VCP: variants seen among roughly 807,000 people sequenced by gnomAD.
VCP encodes the protein valosin containing protein.
Under a neutral mutation model 85.7 loss-of-function variants are expected in VCP, and 6 were observed. The ratio of observed to expected loss-of-function variants is 0.07; its 90% confidence interval spans 0.04 to 0.14. The LOEUF (loss-of-function observed/expected upper bound fraction) is 0.14, where lower values mean the gene tolerates loss of function less well. Among genes scored for constraint, VCP ranks in the 10% least tolerant of loss-of-function variants. The pLI is 1.00. For missense variants in VCP, 353 were observed against 1,043.4 expected (o/e 0.34, Z 9.12); for synonymous variants, 384 against 367.1 (o/e 1.05, Z -0.53).
chr9:35,062,319 C>A lies in VCP; in HGVS notation c.843G>T (p.Glu281Asp). 6.2e-7 allele frequency: 1 copy of A among 1,614,136 alleles called. No homozygotes were observed. The highest frequency in any genetic ancestry group is 8.5e-7 in the Non-Finnish European group (1 of 1,180,024). ...AGGCTTTACGAAGGTTGCTCTCAGACTCACCAGCCAATTTGCTCATGATCT... is the reference window on the plus strand; with the variant it reads ...AGGCTTTACGAAGGTTGCTCTCAGAATCACCAGCCAATTTGCTCATGATCT... ...GPEIMSKLAG[E>D]SESNLRKAFE... Residue 281 changes from glutamate to aspartate, a missense_variant, in exon 8 of 17, where the codon GAG (glutamate) becomes GAT (aspartate). This residue lies in a region of VCP where 85 missense variants were observed against 345.2 expected (regional missense o/e 0.25). Coordinates refer to ENST00000358901, the MANE Select transcript of VCP (RefSeq NM_007126.5).
chr9:35,067,525 A>G (rs895571269), intron 3 of VCP, among the ~76,000 whole-genome samples: 8 of 152,162 alleles, frequency 5.3e-5, no homozygotes, highest in Non-Finnish European at 2.9e-5. Context: ...CAAGCCATCA[A>G]TTAGACATAC....
In VCP at chr9:35,068,263, C is replaced by T; in HGVS notation, c.117G>A (p.Val39=). The T allele has an allele frequency of 6.2e-7, 1 of 1,614,096 alleles. No homozygotes were observed. The highest frequency in any genetic ancestry group is 8.5e-7 in the Non-Finnish European group (1 of 1,179,978). The change falls in exon 2 of 17, where the codon GTG becomes GTA. Residue 39 remains valine, a synonymous_variant. Transcript: ENST00000358901. ...DEAINEDNSV[V]SLSQPKMDEL... ...GGCCACAGCTTACCTGGGACAAGGACACCACACTGTTGTCCTCATTGATGG... is the reference window on the plus strand; with the variant it reads ...GGCCACAGCTTACCTGGGACAAGGATACCACACTGTTGTCCTCATTGATGG...
At position 35,061,651 on chromosome 9, in the gene VCP, C is replaced by T. The variant is rs1471929394; in HGVS notation, c.1120G>A (p.Ala374Thr). ...TGAAGAATCTCTAAGCGTCCTGTAGCATCAGGAATTCCAATATCTACCTCC... is the reference window on the plus strand; with the variant it reads ...TGAAGAATCTCTAAGCGTCCTGTAGTATCAGGAATTCCAATATCTACCTCC... Reference protein sequence around the residue: ...DREVDIGIPDATGRLEILQIH... With the variant: ...DREVDIGIPDTTGRLEILQIH... The change falls in exon 10 of 17, where the codon GCT (alanine) becomes ACT (threonine). Residue 374 changes from alanine (A) to threonine (T), a missense_variant. Physicochemically the swap from Ala to Thr is moderately conservative, Grantham distance 58. This residue lies in a region of VCP where 30 missense variants were observed against 39.0 expected (regional missense o/e 0.77). Coordinates refer to ENST00000358901, the MANE Select transcript of VCP (RefSeq NM_007126.5). The T allele has an allele frequency of 6.2e-7, 1 of 1,614,042 alleles. No individual in the cohort carries two copies. Among genetic ancestry groups the T allele is most frequent in the Non-Finnish European group, 8.5e-7 (1 of 1,180,032 alleles).
chr9:35,070,828 C>T (rs966030645), intron 1 of VCP, among the ~76,000 whole-genome samples: 3 of 152,192 alleles, frequency 2.0e-5, no homozygotes, highest in African/African-American at 4.8e-5. Context: ...GAGTGGTATG[C>T]CCTTTTCTTA....
chr9:35,070,389 G>A (rs146361426), intron 1 of VCP, among the ~76,000 whole-genome samples: 23 of 152,278 alleles, frequency 1.5e-4, no homozygotes, highest in African/African-American at 5.5e-4. Flanking sequence ...TTGACTTATA[G>A]AACTGGGACT....
At chr9:35,060,292 G>A in intron 13 of VCP, 21 bp downstream of exon 13, 1 of 1,613,068 alleles carries the variant, frequency 6.2e-7, no homozygotes, top group South Asian at 1.1e-5. Context: ...TCAATACATA[G>A]TTCAGCCTAT....
chr9:35,068,632 G>A (rs891930249), intron 1 of VCP, among the ~76,000 whole-genome samples: 1 of 152,118 alleles, frequency 6.6e-6, no homozygotes, highest in Non-Finnish European at 1.5e-5. Flanking sequence ...GAAAATAATG[G>A]CCTAAGAAGA....
At position 35,057,414 on chromosome 9, in the gene VCP, G is replaced by C. The variant is rs747361319; in HGVS notation, c.2277C>G (p.Ala759=). 1.9e-6 allele frequency: 3 copies of C among 1,614,254 alleles called. No individual in the cohort carries two copies. In the South Asian group the frequency reaches 3.3e-5, roughly 18 times the overall value. The change falls in exon 16 of 17, where the codon GCC becomes GCG. Residue 759 remains alanine (A), a synonymous_variant. Transcript: ENST00000358901. ...AGCCCCGACTCTGCTGAAGGGTCTG[G>C]GCAAACATCTCATACTTCCGAATGT... ...DNDIRKYEMF[A]QTLQQSRGFG... is the part of the protein sequence containing the mutation.
Position 35,072,344 on chromosome 9 carries a change from C to T in VCP, c.10G>A (p.Gly4Arg), listed in dbSNP as rs2131047437. The change falls in exon 1 of 17, where the codon GGA becomes AGA. Residue 4 changes from glycine to arginine, a missense_variant. By Grantham distance (125) the Gly-to-Arg change is moderately radical (BLOSUM62 -2). This residue lies in a region of VCP where 69 missense variants were observed against 132.9 expected (regional missense o/e 0.52). Coordinates refer to ENST00000358901, the MANE Select transcript of VCP (RefSeq NM_007126.5). MASGADSKGDDLST... is the reference protein window; with the variant it reads MASRADSKGDDLST... ...CGGCGCGCGCACACTCACTCGGCTC[C>T]AGAAGCCATGGCGCGCGCCTCTCCC... 1 of 1,486,690 alleles carries T rather than the reference C, an allele frequency of 6.7e-7. No individual in the cohort carries two copies. Among genetic ancestry groups the T allele is most frequent in the Non-Finnish European group, 8.9e-7 (1 of 1,126,128 alleles). 92.1% of individuals were successfully genotyped at this position (1,486,690 alleles called of 1,614,324 possible). A position where few individuals can be genotyped will look rare whatever the true frequency, so the allele number is the denominator to read the frequency against.
Position 35,059,036 on chromosome 9 carries a change from C to T in VCP, c.2160+28G>A. 6.2e-7 allele frequency: 1 copy of T among 1,613,076 alleles called. No homozygotes were observed. Among genetic ancestry groups the T allele is most frequent in the Non-Finnish European group, 8.5e-7 (1 of 1,179,966 alleles). ...CTGCTGCCTGGCTCTCCATGATTGGCACATCTGGGGAAAGGATGCAGACTC... is the reference window on the plus strand; with the variant it reads ...CTGCTGCCTGGCTCTCCATGATTGGTACATCTGGGGAAAGGATGCAGACTC... On this transcript the variant is annotated intron_variant, in intron 15 of 16. Coordinates refer to ENST00000358901, the MANE Select transcript of VCP (RefSeq NM_007126.5). This position sits in a 1 kb window ranked among gnomAD's most constrained non-coding sequence, Gnocchi z 4.9.
chr9:35,065,195 T>C lies in VCP; in HGVS notation c.576+56A>G, dbSNP rs1191927115. The C allele has an allele frequency of 5.0e-6, 8 of 1,612,664 alleles. No individual in the cohort carries two copies. The African/African-American group carries it at 9.3e-5, about 19-fold the overall frequency. ...GCACCCAGTCCTGACAGTTACCACA[T>C]GATGCCACACTGAGTAATCATAAAA... On this transcript the variant is annotated intron_variant, in intron 5 of 16. Coordinates refer to ENST00000358901, the MANE Select transcript of VCP (RefSeq NM_007126.5).
rs575822739 is a variant in VCP at position 35,056,692 on chromosome 9, A to G, written c.*425T>C. 2.7e-5 allele frequency: 7 copies of G among 257,830 alleles called. No individual in the cohort carries two copies. In the South Asian group the frequency reaches 2.9e-4, roughly 11 times the overall value. The allele number at this position is 257,830 out of a possible 1,614,324, so 16.0% of individuals were successfully genotyped here. ...AAATCAACCTACTCTCTATATAAAC[A>G]TCCAGCAACTGTGGCCCCTACCCAC... On this transcript the variant is annotated 3_prime_UTR_variant, in exon 17 of 17. Transcript: ENST00000358901.
chr9:35,057,638 A>C, intron 15 of VCP, 108 bp from the exon 16 acceptor site: 1 of 1,443,910 alleles, frequency 6.9e-7, no homozygotes, highest in Non-Finnish European at 9.6e-7. Flanking sequence ...TTCCAATCCA[A>C]CCTGAGGTAA....
chr9:35,072,103 C>T (rs1828964449), intron 1 of VCP: 12 of 1,345,846 alleles, frequency 8.9e-6, no homozygotes, highest in Non-Finnish European at 1.1e-5. Flanking sequence ...ACGATCCGGC[C>T]CAGGCTCCGA....
intron 1 of VCP, 184 bp downstream of exon 1, chr9:35,072,153 T>G (rs2131046950): frequency 2.9e-6 from 4 of 1,397,974 alleles, no homozygotes; most frequent in Non-Finnish European, 3.7e-6. Context: ...GGCGCGCGGG[T>G]GCGCAGCTGG....
intron 4 of VCP, 80 bp downstream of exon 4, chr9:35,066,595 A>AG: frequency 6.6e-7 from 1 of 1,508,924 alleles, no homozygotes; most frequent in Non-Finnish European, 8.9e-7. Flanking sequence ...AAAAAAAAAA[A>AG]GAAAAAGAAA....
At chr9:35,072,023 A>C (rs1162152816) in intron 1 of VCP, 3 of 1,156,872 alleles carry the variant, frequency 2.6e-6, no homozygotes, top group Non-Finnish European at 2.1e-6. Context: ...GTGGGCCGGA[A>C]GACCTGGCCA....
chr9:35,068,873 G>A (rs1828884838), intron 1 of VCP, among the ~76,000 whole-genome samples: 1 of 152,126 alleles, frequency 6.6e-6, no homozygotes, highest in Non-Finnish European at 1.5e-5. Context: ...ATTGTCTTAA[G>A]GGAGATAATG....
chr9:35,061,986 G>T lies in VCP; in HGVS notation c.1081+17C>A, dbSNP rs200756991. The T allele has an allele frequency of 5.6e-6, 9 of 1,614,212 alleles. No individual in the cohort carries two copies. Among genetic ancestry groups the T allele is most frequent in the Admixed American group, 1.7e-5 (1 of 60,028 alleles). On this transcript the variant is annotated intron_variant, in intron 9 of 16. Coordinates refer to ENST00000358901, the MANE Select transcript of VCP (RefSeq NM_007126.5). ...GACCTAAGCAAGGACGGGGTCAAAAGTATCTGGAGTCCTTACCAAATCGCC... is the reference window on the plus strand; with the variant it reads ...GACCTAAGCAAGGACGGGGTCAAAATTATCTGGAGTCCTTACCAAATCGCC...
Sources: allele counts gnomAD v4.1 joint callset (sites outside exome capture counted in the v4.1 genomes callset), GRCh38; gene constraint gnomAD v4.1.1; regional missense constraint gnomAD v4.1.1; non-coding constraint Gnocchi (gnomAD v3.1); transcripts MANE v1.5; gene names NCBI Gene and HGNC (gene_info 2026-07-23, HGNC 2026-07-21).